Variants in SLC26A7 observed in about 807,000 individuals in gnomAD.
SLC26A7 encodes anion exchange transporter.
Under a neutral mutation model 82.5 loss-of-function variants are expected in SLC26A7, and 59 were observed. The ratio of observed to expected loss-of-function variants is 0.72; its 90% CI spans 0.58 to 0.89. The LOEUF is 0.89. Ranked by LOEUF, SLC26A7 falls within the 40% of genes least tolerant of loss-of-function variation. The pLI is 0.00. For missense variants in SLC26A7, 820 were observed against 793.0 expected (o/e 1.03, Z -0.41); for synonymous variants, 271 against 274.3 (o/e 0.99, Z 0.12).
intron 5 of SLC26A7, among the ~76,000 whole-genome samples, chr8:91,321,968 G>A (rs1812802076): frequency 6.6e-6 from 1 of 152,046 alleles, no homozygotes. Flanking sequence ...TGAAAAGCAT[G>A]GAACATAGGT....
chr8:91,298,560 GCATAGAACTCTAC>G (rs1812078424), intron 4 of SLC26A7, among the ~76,000 whole-genome samples: 1 of 152,034 alleles, frequency 6.6e-6, no homozygotes, highest in Admixed American at 6.6e-5. Flanking sequence ...ATTGTACCTA[GCATAGAACTCTAC>G]ATGGTAGATT....
At chr8:91,220,024 C>G (rs1025752215) in intron 2 of SLC26A7, among the ~76,000 whole-genome samples, 28 of 152,238 alleles carry the variant, frequency 1.8e-4, no homozygotes, top group Middle Eastern at 3.4e-3. Flanking sequence ...ACCTTCCTAG[C>G]AAGGCCTTTT....
At chr8:91,328,362 A>T (rs1812990330) in intron 5 of SLC26A7, among the ~76,000 whole-genome samples, 1 of 152,168 alleles carries the variant, frequency 6.6e-6, no homozygotes, top group African/African-American at 2.4e-5. Context: ...GACTATATCA[A>T]AGATGGATTA....
chr8:91,266,159 T>C (rs922691430), intron 2 of SLC26A7, among the ~76,000 whole-genome samples: 1 of 151,966 alleles, frequency 6.6e-6, no homozygotes, highest in African/African-American at 2.4e-5. Flanking sequence ...TATTTTGAAG[T>C]TAGGTAGTGT....
At chr8:91,249,511 CTCTTT>C (rs1390019401) in intron 1 of SLC26A7, 23 bp from the exon 2 acceptor site, 1 of 526,802 alleles carries the variant, frequency 1.9e-6, no homozygotes. Flanking sequence ...CTCTCTCTCT[CTCTTT>C]TATTTACTTA....
chr8:91,357,641 A>T (rs1168228839), intron 11 of SLC26A7, among the ~76,000 whole-genome samples: 1 of 152,248 alleles, frequency 6.6e-6, no homozygotes, highest in Non-Finnish European at 1.5e-5. Context: ...TGTTAGACCT[A>T]AAACCATGAA....
intron 14 of SLC26A7, among the ~76,000 whole-genome samples, chr8:91,368,582 C>A (rs1814264384): frequency 6.6e-6 from 1 of 151,850 alleles, no homozygotes; most frequent in Non-Finnish European, 1.5e-5. Flanking sequence ...CCACGCCTGG[C>A]TAATTTTTTT....
At chr8:91,361,600 T>C (rs533649577) in intron 11 of SLC26A7, among the ~76,000 whole-genome samples, 12 of 152,278 alleles carry the variant, frequency 7.9e-5, no homozygotes, top group African/African-American at 2.6e-4. Flanking sequence ...ATTTTGCTTT[T>C]AAAGATATTT....
chr8:91,236,456 A>G (rs1810393995), intron 2 of SLC26A7, among the ~76,000 whole-genome samples: 1 of 152,186 alleles, frequency 6.6e-6, no homozygotes, highest in African/African-American at 2.4e-5. Flanking sequence ...TCATGTTGTC[A>G]AGTGTGCATC....
chr8:91,362,608 CA>C (rs1447027760), intron 12 of SLC26A7, 149 bp downstream of exon 12: 8 of 571,594 alleles, frequency 1.4e-5, no homozygotes, highest in Non-Finnish European at 1.6e-5. Flanking sequence ...AAACTAGAGA[CA>C]AACAGATAAG....
chr8:91,279,251 T>C (rs541824907), intron 2 of SLC26A7, among the ~76,000 whole-genome samples: 2 of 150,176 alleles, frequency 1.3e-5, no homozygotes, highest in South Asian at 4.2e-4. Flanking sequence ...AGTGCTGCAA[T>C]GAATGTGGGA....
At chr8:91,279,111 A>ATGTGTGTG (rs71562209) in intron 2 of SLC26A7, among the ~76,000 whole-genome samples, 79 of 115,002 alleles carry the variant, frequency 6.9e-4, no homozygotes, top group African/African-American at 2.6e-3. Context: ...ATTTCATAGT[A>ATGTGTGTG]TGTGTGTGTG....
intron 11 of SLC26A7, among the ~76,000 whole-genome samples, chr8:91,358,334 T>TC (rs1445811375): frequency 2.7e-5 from 4 of 150,320 alleles, no homozygotes; most frequent in African/African-American, 9.8e-5. Flanking sequence ...TTTTTCTTTT[T>TC]TTTTTTTTTT....
intron 4 of SLC26A7, among the ~76,000 whole-genome samples, chr8:91,304,014 T>G (rs1012930793): frequency 6.6e-6 from 1 of 152,208 alleles, no homozygotes; most frequent in Non-Finnish European, 1.5e-5. Context: ...CTTAACCAAG[T>G]TAGAATTATA....
chr8:91,344,545 G>A lies in SLC26A7; in HGVS notation c.1140+1079G>A, dbSNP rs114810559. ...TAAGTTTGAAAAGTATGTGTTTGTTGACCTTGTGGGAAAGTGATCAACAGA... is the reference window on the plus strand; with the variant it reads ...TAAGTTTGAAAAGTATGTGTTTGTTAACCTTGTGGGAAAGTGATCAACAGA... On this transcript the variant is annotated intron_variant, in intron 9 of 18. Transcript: ENST00000276609. Among the ~76,000 whole-genome samples the A allele has an allele frequency of 4.2e-3, 634 of 152,242 alleles. 5 individuals carry two copies. Among genetic ancestry groups the A allele is most frequent in the African/African-American group, 0.014 (577 of 41,554 alleles).
intron 2 of SLC26A7, among the ~76,000 whole-genome samples, chr8:91,223,514 G>T (rs1810190743): frequency 6.6e-6 from 1 of 152,172 alleles, no homozygotes. Flanking sequence ...GTGTCCCAGA[G>T]ATTCTGGTAC....
At chr8:91,288,073 GA>G (rs1211269663) in intron 2 of SLC26A7, among the ~76,000 whole-genome samples, 11 of 152,144 alleles carry the variant, frequency 7.2e-5, no homozygotes, top group African/African-American at 2.7e-4. Context: ...TCTACTGCTT[GA>G]AAAATATCTG....
At chr8:91,292,320 A>AG (rs1298724581) in intron 3 of SLC26A7, among the ~76,000 whole-genome samples, 6 of 151,960 alleles carry the variant, frequency 3.9e-5, no homozygotes, top group Non-Finnish European at 8.8e-5. Context: ...AAAAAAAAAA[A>AG]AGAAGATAAT....
At chr8:91,290,667 T>G (rs1417307922) in intron 3 of SLC26A7, among the ~76,000 whole-genome samples, 1 of 152,216 alleles carries the variant, frequency 6.6e-6, no homozygotes, top group East Asian at 1.9e-4. Flanking sequence ...CTTGGCAACT[T>G]TAATTTCATC....
Sources: allele counts gnomAD v4.1 joint callset (sites outside exome capture counted in the v4.1 genomes callset), GRCh38; gene constraint gnomAD v4.1.1; transcripts MANE v1.5; gene names NCBI Gene and HGNC (gene_info 2026-07-23, HGNC 2026-07-21).